Variants in HS2ST1 observed in about 807,000 individuals in gnomAD.
HS2ST1 encodes the protein heparan sulfate 2-O-sulfotransferase 1, also known as 2-O-sulfotransferase.
A neutral mutation model predicts 42.9 loss-of-function variants in HS2ST1; 18 were observed. That is an observed-to-expected ratio of 0.42 (90% CI 0.29 to 0.62). HS2ST1 has a LOEUF of 0.62. HS2ST1 is among the 20% of genes least tolerant of loss of function. HS2ST1 has a pLI of 0.21. For missense variants in HS2ST1, 334 were observed against 433.8 expected, an observed-to-expected ratio of 0.77 and a Z score of 2.04; for synonymous variants, 146 against 152.9, an observed-to-expected ratio of 0.95 and a Z score of 0.33.
chr1:87,067,648 C>T (rs1195551879), intron 1 of HS2ST1, among the ~76,000 whole-genome samples: 5 of 152,034 alleles, frequency 3.3e-5, no homozygotes, highest in Admixed American at 3.3e-4. Context: ...TTGCCCATGC[C>T]TATGTCCTGA....
intron 1 of HS2ST1, among the ~76,000 whole-genome samples, chr1:86,970,917 T>G (rs1557498955): frequency 6.6e-6 from 1 of 152,142 alleles, no homozygotes; most frequent in African/African-American, 2.4e-5. Context: ...TTTATATATA[T>G]AATAGATGCC....
At chr1:86,974,502 A>G (rs1648335877) in intron 1 of HS2ST1, among the ~76,000 whole-genome samples, 1 of 152,214 alleles carries the variant, frequency 6.6e-6, no homozygotes, top group African/African-American at 2.4e-5. Context: ...TTGTCATAGT[A>G]AATTATCAAA....
At chr1:87,100,958 A>AGGCTGT (rs796182084) in intron 5 of HS2ST1, among the ~76,000 whole-genome samples, 6 of 152,246 alleles carry the variant, frequency 3.9e-5, no homozygotes, top group African/African-American at 1.4e-4. Context: ...CCACATGGCC[A>AGGCTGT]GGCTGTGAAT....
rs769405244 is a variant in HS2ST1 at position 87,104,511 on chromosome 1, C to G, written c.886C>G (p.Pro296Ala). 6.2e-6 allele frequency: 10 copies of G among 1,613,120 alleles called. No homozygotes were observed. The change falls in exon 7 of 7, where the codon CCC becomes GCC. Residue 296 changes from proline to alanine, a missense_variant. Pro to Ala is a conservative substitution (Grantham distance 27, BLOSUM62 -1). Coordinates refer to ENST00000370550, the MANE Select transcript of HS2ST1 (RefSeq NM_012262.4). ...TAGGAAAACCACAGAGAAGAAACTCCCCACTAAACAAACCATTGCAAAACT... is the reference window on the plus strand; with the variant it reads ...TAGGAAAACCACAGAGAAGAAACTCGCCACTAAACAAACCATTGCAAAACT... ...HLRKTTEKKL[P>A]TKQTIAKLQQ...
chr1:86,985,907 G>T (rs1648770270), intron 1 of HS2ST1, among the ~76,000 whole-genome samples: 1 of 152,034 alleles, frequency 6.6e-6, no homozygotes, highest in South Asian at 2.1e-4. Context: ...GGTAGGAATT[G>T]ACACCTGTGT....
chr1:87,083,063 C>CTCT (rs1651730727), intron 2 of HS2ST1, among the ~76,000 whole-genome samples: 1 of 152,174 alleles, frequency 6.6e-6, no homozygotes, highest in Non-Finnish European at 1.5e-5. Flanking sequence ...TATCCCAGAA[C>CTCT]TCTTCCATTT....
At chr1:86,917,182 CT>C (rs1407148127) in intron 1 of HS2ST1, among the ~76,000 whole-genome samples, 4 of 152,162 alleles carry the variant, frequency 2.6e-5, no homozygotes, top group Admixed American at 2.6e-4. Context: ...GTACTAGGCA[CT>C]TTTCATCGTA....
chr1:87,099,018 T>TCCAC lies in HS2ST1; in HGVS notation c.686+1085_686+1088dup, dbSNP rs200852844. Among the ~76,000 whole-genome samples, 722 of 152,300 alleles carry TCCAC rather than the reference T, an allele frequency of 4.7e-3. 6 individuals carry two copies. Among genetic ancestry groups the TCCAC allele is most frequent in the African/African-American group, 0.016 (681 of 41,574 alleles). ...GTCTCGAACTCCTGACCTCAAGGGA[T>TCCAC]CCACCTGCCTCGGCCTCCCAAAGTG... On this transcript the variant is annotated intron_variant, in intron 5 of 6. Transcript: ENST00000370550.
intron 6 of HS2ST1, 118 bp downstream of exon 6, chr1:87,103,707 G>T: frequency 1.2e-6 from 1 of 817,674 alleles, no homozygotes; most frequent in Non-Finnish European, 1.8e-6. Context: ...CTCCAGAAAG[G>T]CAGGTATCTT....
intron 1 of HS2ST1, among the ~76,000 whole-genome samples, chr1:86,931,308 G>A (rs1265617746): frequency 6.6e-6 from 1 of 152,066 alleles, no homozygotes; most frequent in African/African-American, 2.4e-5. Flanking sequence ...AAAGGCAAAT[G>A]AGGTAGGAAA....
At chr1:86,999,368 GGGTTTC>G (rs1450852516) in intron 1 of HS2ST1, among the ~76,000 whole-genome samples, 3 of 152,018 alleles carry the variant, frequency 2.0e-5, no homozygotes, top group Non-Finnish European at 4.4e-5. Context: ...AGTAGAGGCA[GGGTTTC>G]TCCATGTTGG....
intron 1 of HS2ST1, among the ~76,000 whole-genome samples, chr1:86,976,704 G>GTATGTATATATATATATATA (rs1553134338): frequency 2.5e-5 from 2 of 79,662 alleles, no homozygotes; most frequent in African/African-American, 7.1e-5. Flanking sequence ...TTATAAAATT[G>GTATGTATATATATATATATA]TATATATATA....
intron 2 of HS2ST1, among the ~76,000 whole-genome samples, chr1:87,077,123 C>T (rs1651566026): frequency 6.6e-6 from 1 of 152,146 alleles, no homozygotes; most frequent in South Asian, 2.1e-4. Context: ...AAAATTAATG[C>T]CGCTGGTCTT....
chr1:87,003,494 T>TA (rs1428277470), intron 1 of HS2ST1, among the ~76,000 whole-genome samples: 1 of 152,238 alleles, frequency 6.6e-6, no homozygotes, highest in Non-Finnish European at 1.5e-5. Flanking sequence ...CAGATGCACT[T>TA]AGAGTTGCAT....
chr1:86,921,632 C>T (rs550919392), intron 1 of HS2ST1, among the ~76,000 whole-genome samples: 98 of 152,090 alleles, frequency 6.4e-4, no homozygotes, highest in African/African-American at 2.1e-3. Flanking sequence ...AGCATTTGTC[C>T]CCCTTTTGCC....
chr1:86,916,231 G>T (rs1311224667), intron 1 of HS2ST1, among the ~76,000 whole-genome samples: 1 of 152,162 alleles, frequency 6.6e-6, no homozygotes, highest in Non-Finnish European at 1.5e-5. Flanking sequence ...CAGCTCAAGA[G>T]GATGTAATTT....
intron 1 of HS2ST1, among the ~76,000 whole-genome samples, chr1:87,049,957 AT>A (rs1362458057): frequency 6.6e-6 from 1 of 151,946 alleles, no homozygotes; most frequent in Non-Finnish European, 1.5e-5. Flanking sequence ...TAGGATTGTT[AT>A]GTCTTTTTGA....
chr1:86,962,461 A>G (rs891677112), intron 1 of HS2ST1, among the ~76,000 whole-genome samples: 2 of 152,176 alleles, frequency 1.3e-5, no homozygotes. Flanking sequence ...ATGGAATTTT[A>G]CTGTGGAATT....
intron 1 of HS2ST1, among the ~76,000 whole-genome samples, chr1:87,020,694 C>A (rs1473947861): frequency 1.3e-5 from 2 of 152,176 alleles, no homozygotes; most frequent in Admixed American, 1.3e-4. Context: ...GGCCCCTTCC[C>A]TTGGCTTGTA....
Sources: allele counts gnomAD v4.1 joint callset (sites outside exome capture counted in the v4.1 genomes callset), GRCh38; gene constraint gnomAD v4.1.1; transcripts MANE v1.5; gene names NCBI Gene and HGNC (gene_info 2026-07-23, HGNC 2026-07-21).